Variants in LRP2 observed in about 807,000 individuals in gnomAD.
LRP2 encodes the protein LDL receptor related protein 2.
LRP2 carries 172 observed loss-of-function variants against 531.0 expected under a neutral mutation model. That is an observed-to-expected ratio of 0.32 (90% CI 0.29 to 0.37). The LOEUF (loss-of-function observed/expected upper bound fraction) is 0.37. Among genes scored for constraint, LRP2 ranks in the 10% least tolerant of loss-of-function variants. The pLI, the probability that LRP2 is intolerant of heterozygous loss-of-function variation, is 1.00. For missense variants in LRP2, 5,167 were observed against 5,868.3 expected (o/e 0.88, Z 3.90); for synonymous variants, 1,992 against 2,027.6 (o/e 0.98, Z 0.47).
rs549470494 is a variant in LRP2 at position 169,327,708 on chromosome 2, G to T, written c.80-6824C>A. Among the ~76,000 whole-genome samples, 663 of 125,750 alleles carry T rather than the reference G, an allele frequency of 5.3e-3. 13 individuals carry two copies. Among genetic ancestry groups the T allele is most frequent in the African/African-American group, 0.02 (629 of 31,010 alleles). The allele number at this position is 125,750 out of a possible 152,430, so 82.5% of individuals were successfully genotyped here. ...AGCCGACCCATCCGGGAGGGAGGTG[G>T]GGGGATCAGCACCCCGCCCGGCCAG... On this transcript the variant is annotated intron_variant, in intron 1 of 78. Transcript: ENST00000649046.
chr2:169,194,790 G>A (rs1340598440), intron 46 of LRP2, among the ~76,000 whole-genome samples: 2 of 140,964 alleles, frequency 1.4e-5, no homozygotes, highest in Middle Eastern at 4.0e-3. Flanking sequence ...GTGCGATCTC[G>A]GCTCACTGCA....
At position 169,240,968 on chromosome 2, in the gene LRP2, ACTGTGGT is replaced by A. The variant is rs2105383169; in HGVS notation, c.4045+13_4045+19del. ...TTCAGAATGAGTTTATGGCCAGTAA[ACTGTGGT>A]CAGGAAACTTACTGCAAAGTGGGGA... On this transcript the variant is annotated intron_variant, in intron 25 of 78. Transcript: ENST00000649046. 3.7e-6 allele frequency: 6 copies of A among 1,608,972 alleles called. No individual in the cohort carries two copies. The South Asian group carries it at 6.6e-5, about 18-fold the overall frequency.
chr2:169,131,877 C>T (rs1285469397), intron 77 of LRP2, among the ~76,000 whole-genome samples: 5 of 152,220 alleles, frequency 3.3e-5, no homozygotes, highest in Admixed American at 3.3e-4. Context: ...TTCATTAAAA[C>T]TAATGATATA....
At chr2:169,187,828 T>C (rs1262981624) in intron 49 of LRP2, 142 bp downstream of exon 49, 6 of 921,440 alleles carry the variant, frequency 6.5e-6, no homozygotes, top group African/African-American at 1.6e-5. Context: ...GAAACTTTGG[T>C]AACCTTTTGC....
intron 1 of LRP2, among the ~76,000 whole-genome samples, chr2:169,326,288 G>T (rs1414852190): frequency 2.0e-5 from 3 of 149,672 alleles, no homozygotes; most frequent in Non-Finnish European, 3.0e-5. Flanking sequence ...CTGTACTGCT[G>T]CCATCTCGGC....
chr2:169,139,996 C>CA (rs1393099030), intron 72 of LRP2, among the ~76,000 whole-genome samples: 1 of 152,198 alleles, frequency 6.6e-6, no homozygotes, highest in Non-Finnish European at 1.5e-5. Context: ...AGAGTTTTCG[C>CA]AACACAGTCA....
intron 33 of LRP2, 116 bp downstream of exon 33, chr2:169,225,194 C>T (rs1274028121): frequency 1.0e-5 from 11 of 1,073,604 alleles, no homozygotes; most frequent in Non-Finnish European, 5.6e-6. Context: ...ATATCTTTTC[C>T]CTTTTTCTTT....
At chr2:169,144,899 C>T (rs1685853351) in intron 70 of LRP2, among the ~76,000 whole-genome samples, 1 of 152,212 alleles carries the variant, frequency 6.6e-6, no homozygotes, top group Non-Finnish European at 1.5e-5. Context: ...ATACTGAACA[C>T]TGGGCCAATA....
In LRP2 at chr2:169,291,008, A is replaced by G. The variant is rs775535794; in HGVS notation, c.770-11T>C. 24 of 1,612,912 alleles carry G rather than the reference A, an allele frequency of 1.5e-5. No individual in the cohort carries two copies. The highest frequency in any genetic ancestry group is 1.6e-4 in the Middle Eastern group (1 of 6,078). On this transcript the variant is annotated splice_polypyrimidine_tract_variant and intron_variant, in intron 7 of 78. Coordinates refer to ENST00000649046, the MANE Select transcript of LRP2 (RefSeq NM_004525.3). ...CATGAGGACCGCTTTCTGTGGGGGG[A>G]AAAAGAGAGAGTTACAGGCCATAGG...
At chr2:169,259,757 AAC>A (rs760608357) in intron 16 of LRP2, among the ~76,000 whole-genome samples, 3 of 142,190 alleles carry the variant, frequency 2.1e-5, no homozygotes, top group Non-Finnish European at 4.7e-5. Flanking sequence ...AAAAAAAAAA[AAC>A]GCTTTCCTCT....
chr2:169,220,742 C>T (rs1281828384), intron 33 of LRP2, among the ~76,000 whole-genome samples, 179 bp from the exon 34 acceptor site: 1 of 152,046 alleles, frequency 6.6e-6, no homozygotes, highest in Non-Finnish European at 1.5e-5. Flanking sequence ...GAAATTAGCT[C>T]AATAGAAAAT....
chr2:169,219,489 T>TC (rs1688910891), intron 34 of LRP2, among the ~76,000 whole-genome samples: 1 of 152,196 alleles, frequency 6.6e-6, no homozygotes, highest in African/African-American at 2.4e-5. Context: ...CTAACTGGTC[T>TC]CCCTGGCCCT....
intron 65 of LRP2, 99 bp from the exon 66 acceptor site, chr2:169,154,702 G>A (rs1686270692): frequency 9.2e-7 from 1 of 1,085,448 alleles, no homozygotes; most frequent in Non-Finnish European, 1.4e-6. Context: ...CCTTTTTAAA[G>A]AACATGAGTT....
At chr2:169,278,255 T>G (rs1683609190) in intron 12 of LRP2, among the ~76,000 whole-genome samples, 1 of 152,072 alleles carries the variant, frequency 6.6e-6, no homozygotes, top group South Asian at 2.1e-4. Flanking sequence ...GAGGCCAACA[T>G]AGAAGGATTG....
At chr2:169,244,963 AT>A (rs1424202792) in intron 21 of LRP2, 31 bp from the exon 22 acceptor site, 2 of 1,613,770 alleles carry the variant, frequency 1.2e-6, no homozygotes, top group African/African-American at 1.3e-5. Context: ...TCATGAAGAC[AT>A]TTGTTTTTAC....
Position 169,233,385 on chromosome 2 carries a change from G to A in LRP2, c.5098+26C>T, listed in dbSNP as rs776353203. The A allele has an allele frequency of 3.1e-6, 5 of 1,613,478 alleles. No individual in the cohort carries two copies. The South Asian group carries it at 5.5e-5, about 18-fold the overall frequency. ...TCAGTGTTTTTCAAGCTACTCCCAG[G>A]CAGGATGTTTCTCTGTATCACTCAC... On this transcript the variant is annotated intron_variant, in intron 30 of 78. Coordinates refer to ENST00000649046, the MANE Select transcript of LRP2 (RefSeq NM_004525.3).
rs142577559 is a variant in LRP2 at position 169,181,074 on chromosome 2, A to G, written c.10169+374T>C. ...ATCCTTTTATTCTTTTCCTTTTCTCAAATACTAAAATTTATTAATCATATA... is the reference window on the plus strand; with the variant it reads ...ATCCTTTTATTCTTTTCCTTTTCTCGAATACTAAAATTTATTAATCATATA... On this transcript the variant is annotated intron_variant, in intron 52 of 78. Transcript: ENST00000649046. Among the ~76,000 whole-genome samples, 742 of 152,308 alleles carry G rather than the reference A, an allele frequency of 4.9e-3. 10 individuals carry two copies. Among genetic ancestry groups the G allele is most frequent in the African/African-American group, 0.017 (694 of 41,564 alleles).
At chr2:169,332,428 A>C (rs1171467682) in intron 1 of LRP2, among the ~76,000 whole-genome samples, 5 of 152,228 alleles carry the variant, frequency 3.3e-5, no homozygotes, top group Non-Finnish European at 7.3e-5. Flanking sequence ...AGAGAAAAAG[A>C]GGGCAGAAAG....
intron 4 of LRP2, among the ~76,000 whole-genome samples, chr2:169,303,598 C>A (rs1471434280): frequency 6.6e-6 from 1 of 152,118 alleles, no homozygotes; most frequent in Non-Finnish European, 1.5e-5. Flanking sequence ...TCATTTCCTT[C>A]TTGTATATAT....
Sources: allele counts gnomAD v4.1 joint callset (sites outside exome capture counted in the v4.1 genomes callset), GRCh38; gene constraint gnomAD v4.1.1; transcripts MANE v1.5; gene names NCBI Gene and HGNC (gene_info 2026-07-23, HGNC 2026-07-21).